LRRC4C: variants seen among roughly 807,000 people sequenced by gnomAD.
The protein encoded by LRRC4C is leucine-rich repeat-containing protein 4C.
Under a neutral mutation model 33.6 loss-of-function variants are expected in LRRC4C, and 5 were observed. The observed-to-expected ratio is 0.15, with a 90% CI of 0.08 to 0.31. The LOEUF (loss-of-function observed/expected upper bound fraction) is 0.31. Ranked by LOEUF, LRRC4C falls within the 10% of genes least tolerant of loss-of-function variation. The pLI, the probability that LRRC4C is intolerant of heterozygous loss-of-function variation, is 1.00. For missense variants in LRRC4C, 560 were observed against 796.7 expected (o/e 0.70, Z 3.58); for synonymous variants, 329 against 302.0 (o/e 1.09, Z -0.93).
Position 40,115,909 on chromosome 11 carries a change from A to C in LRRC4C, c.384T>G (p.Thr128=). ...TAAGACGATTGTCAAAGAGTTCCAGAGTGTTGAGGTTCGCCAGACCATTGA... is the reference window on the plus strand; with the variant it reads ...TAAGACGATTGTCAAAGAGTTCCAGCGTGTTGAGGTTCGCCAGACCATTGA... The part of the protein sequence containing the change: ...GAFNGLANLN[T]LELFDNRLTT... The change falls in exon 7 of 7, where the codon ACT becomes ACG. Residue 128 remains threonine, a synonymous_variant. Coordinates refer to ENST00000528697, the MANE Select transcript of LRRC4C (RefSeq NM_001258419.2). This position sits in a 1 kb window ranked among gnomAD's most constrained non-coding sequence, Gnocchi z 6.7. 1 of 1,614,064 alleles carries C rather than the reference A, an allele frequency of 6.2e-7. No homozygotes were observed. The highest frequency in any genetic ancestry group is 1.1e-5 in the South Asian group (1 of 91,078).
chr11:41,417,993 T>TAC lies in LRRC4C; in HGVS notation c.-496+41436_-496+41437dup, dbSNP rs1312400191. ...ATATATACGTGTATATATATACATA[T>TAC]ACACACACACATAGACCCCCCCACA... is the stretch of plus-strand genomic sequence containing the variant. On this transcript the variant is annotated intron_variant, in intron 1 of 6. Coordinates refer to ENST00000528697, the MANE Select transcript of LRRC4C (RefSeq NM_001258419.2). Among the ~76,000 whole-genome samples the TAC allele has an allele frequency of 2.0e-5, 3 of 151,140 alleles. No individual in the cohort carries two copies. The Admixed American group carries it at 2.0e-4, about 10-fold the overall frequency.
chr11:41,332,045 T>G, intron 1 of LRRC4C, among the ~76,000 whole-genome samples: 1 of 152,298 alleles, frequency 6.6e-6, no homozygotes, highest in Middle Eastern at 3.4e-3. Context: ...ATGTAAAATG[T>G]AAAATCCATT....
chr11:40,487,796 GC>G (rs1261423482), intron 3 of LRRC4C, among the ~76,000 whole-genome samples: 1 of 152,008 alleles, frequency 6.6e-6, no homozygotes, highest in Non-Finnish European at 1.5e-5. Context: ...GCTCCTGAGT[GC>G]AAGAATTGCT....
chr11:40,979,945 C>T (rs60408765), intron 1 of LRRC4C, among the ~76,000 whole-genome samples: 16,888 of 152,120 alleles, frequency 0.11, 1,103 homozygotes, highest in African/African-American at 0.18. Flanking sequence ...ATCAATGAAA[C>T]ATTTTATAAA....
intron 6 of LRRC4C, among the ~76,000 whole-genome samples, chr11:40,129,930 GT>G (rs200544937): frequency 2.6e-5 from 4 of 151,744 alleles, no homozygotes; most frequent in African/African-American, 9.7e-5. Flanking sequence ...AAAATAATTT[GT>G]TTTTTTTCCT....
intron 1 of LRRC4C, among the ~76,000 whole-genome samples, chr11:41,262,824 C>T (rs1467373610): frequency 1.3e-5 from 2 of 152,088 alleles, no homozygotes; most frequent in Non-Finnish European, 2.9e-5. Flanking sequence ...AAATGTGGCT[C>T]TCAGAGGAAC....
At chr11:40,989,049 C>T in intron 1 of LRRC4C, among the ~76,000 whole-genome samples, 1 of 152,044 alleles carries the variant, frequency 6.6e-6, no homozygotes, top group East Asian at 1.9e-4. Context: ...GTATTCACGA[C>T]ATACTGGCTG....
chr11:41,066,819 T>A (rs991803400), intron 1 of LRRC4C, among the ~76,000 whole-genome samples: 1 of 152,132 alleles, frequency 6.6e-6, no homozygotes, highest in African/African-American at 2.4e-5. Flanking sequence ...AAACTAAGTT[T>A]CATAAGTGAA....
intron 3 of LRRC4C, among the ~76,000 whole-genome samples, chr11:40,390,517 T>C (rs1246879788): frequency 3.9e-5 from 6 of 152,220 alleles, no homozygotes; most frequent in Non-Finnish European, 5.9e-5. Context: ...TTAGCAATAA[T>C]TGCTAACTTT....
chr11:40,584,452 C>A (rs1958618851), intron 3 of LRRC4C, among the ~76,000 whole-genome samples: 2 of 151,848 alleles, frequency 1.3e-5, no homozygotes, highest in South Asian at 4.2e-4. Flanking sequence ...TAATAACCCT[C>A]CAACCTACTG....
At chr11:40,227,297 C>T (rs1565158893) in intron 5 of LRRC4C, among the ~76,000 whole-genome samples, 1 of 152,206 alleles carries the variant, frequency 6.6e-6, no homozygotes. Flanking sequence ...GTAAAACATC[C>T]TATATTTATC....
intron 2 of LRRC4C, among the ~76,000 whole-genome samples, chr11:40,685,760 A>G (rs916243327): frequency 4.6e-5 from 7 of 151,954 alleles, no homozygotes; most frequent in Admixed American, 1.3e-4. Flanking sequence ...CTGTACACAT[A>G]AGAGTTAAAA....
intron 3 of LRRC4C, among the ~76,000 whole-genome samples, chr11:40,464,799 G>A (rs544830609): frequency 3.3e-5 from 5 of 151,548 alleles, no homozygotes; most frequent in South Asian, 2.1e-4. Flanking sequence ...AAACACTGAC[G>A]CAAATAATTT....
At chr11:40,282,750 G>A (rs1243276773) in intron 4 of LRRC4C, among the ~76,000 whole-genome samples, 1 of 152,074 alleles carries the variant, frequency 6.6e-6, no homozygotes, top group Non-Finnish European at 1.5e-5. Context: ...TCCTTCATGT[G>A]ATCCAGTGTT....
chr11:41,052,968 G>T (rs1309580054), intron 1 of LRRC4C, among the ~76,000 whole-genome samples: 1 of 151,948 alleles, frequency 6.6e-6, no homozygotes, highest in East Asian at 1.9e-4. Flanking sequence ...GGAACCACTG[G>T]AAATACACAT....
rs1217714729 is a variant in LRRC4C, at chr11:41,123,261, G to GTTTTTTTTT, written c.-495-189547_-495-189539dup. Among the ~76,000 whole-genome samples, 18 of 48,100 alleles carry GTTTTTTTTT rather than the reference G, an allele frequency of 3.7e-4. 1 individual carries two copies. The highest frequency in any genetic ancestry group is 9.2e-4 in the African/African-American group (16 of 17,324). 31.6% of individuals were successfully genotyped at this position (48,100 alleles called of 152,430 possible). On this transcript the variant is annotated intron_variant, in intron 1 of 6. Coordinates refer to ENST00000528697, the MANE Select transcript of LRRC4C (RefSeq NM_001258419.2). ...CTTTCTCTATCCTGAGCTATGTTTT[G>GTTTTTTTTT]TTTTTTTTTTTTTTTTTTTTTTTTT...
chr11:41,175,147 G>A (rs528498783), intron 1 of LRRC4C, among the ~76,000 whole-genome samples: 11 of 151,940 alleles, frequency 7.2e-5, no homozygotes, highest in Admixed American at 3.3e-4. Flanking sequence ...TCTGATATTT[G>A]TAAAAAATAC....
chr11:40,515,823 A>G (rs1955537995), intron 3 of LRRC4C, among the ~76,000 whole-genome samples: 1 of 152,102 alleles, frequency 6.6e-6, no homozygotes, highest in African/African-American at 2.4e-5. Context: ...ACTGTGGCCA[A>G]TAAAGGGGCT....
At chr11:40,895,398 T>C (rs1407505672) in intron 2 of LRRC4C, among the ~76,000 whole-genome samples, 2 of 152,010 alleles carry the variant, frequency 1.3e-5, no homozygotes, top group Non-Finnish European at 2.9e-5. Flanking sequence ...AAAATTACAT[T>C]TAGTTGATAA....
Sources: gnomAD v4.1 joint callset for allele counts (sites outside exome capture counted in the v4.1 genomes callset) on GRCh38, gnomAD v4.1.1 for gene constraint, Gnocchi (gnomAD v3.1) non-coding constraint, MANE v1.5 for transcripts, NCBI Gene and HGNC (gene_info 2026-07-23, HGNC 2026-07-21) for gene names.